The following RAPGEF2 variants were observed in gnomAD, a reference collection of about 807,000 sequenced individuals.
RAPGEF2 encodes the protein Rap guanine nucleotide exchange factor 2, also known as PDZ domain containing guanine nucleotide exchange factor (GEF) 1.
Under a neutral mutation model 186.7 loss-of-function variants are expected in RAPGEF2, and 54 were observed. The observed-to-expected ratio is 0.29, with a 90% confidence interval of 0.23 to 0.36. RAPGEF2 has a LOEUF of 0.36. Among genes scored for constraint, RAPGEF2 ranks in the 10% least tolerant of loss-of-function variants. The pLI is 1.00. For synonymous variants in RAPGEF2, 712 were observed against 705.9 expected (o/e 1.01, Z -0.14); for missense variants, 1,532 against 2,045.0 (o/e 0.75, Z 4.84).
At chr4:159,294,331 C>T (rs1290797199) in intron 7 of RAPGEF2, among the ~76,000 whole-genome samples, 1 of 152,126 alleles carries the variant, frequency 6.6e-6, no homozygotes, top group East Asian at 1.9e-4. Context: ...AGTGCAGTCC[C>T]TTTGGAGCTC....
At chr4:159,198,328 T>TTC (rs1561075287) in intron 3 of RAPGEF2, among the ~76,000 whole-genome samples, 39 of 76,696 alleles carry the variant, frequency 5.1e-4, no homozygotes, top group African/African-American at 3.2e-3. Context: ...CTTTCTTTCT[T>TTC]TCTTTCTTTT....
chr4:159,331,977 A>G lies in RAPGEF2; in HGVS notation c.1831A>G (p.Met611Val), dbSNP rs1314571628. 5.6e-6 allele frequency: 9 copies of G among 1,609,934 alleles called. No homozygotes were observed. The highest frequency in any genetic ancestry group is 3.4e-5 in the South Asian group (3 of 89,198). ...NFENIQLSKA[M>V]EILRNNTHLS... Reference sequence around the variant, plus strand: ...TGAAAACATTCAGCTGTCAAAAGCTATGGAAATTCTTAGAAATAACACACA... The same window carrying G: ...TGAAAACATTCAGCTGTCAAAAGCTGTGGAAATTCTTAGAAATAACACACA... Residue 611 changes from methionine to valine, a missense_variant, in exon 16 of 30, where the codon ATG becomes GTG. Physicochemically the swap from Met to Val is conservative, Grantham distance 21 (BLOSUM62 1). Around this residue, in one of 4 missense-constraint regions of RAPGEF2, gnomAD observed 810 missense variants for 1,210.5 expected, o/e 0.67. Coordinates refer to ENST00000691494, the MANE Select transcript of RAPGEF2 (RefSeq NM_001394067.2).
intron 1 of RAPGEF2, among the ~76,000 whole-genome samples, chr4:159,130,851 A>G (rs1459373873): frequency 2.0e-5 from 3 of 151,494 alleles, no homozygotes; most frequent in Middle Eastern, 3.2e-3. Context: ...CTGGGACCAT[A>G]GGCGGGCACC....
At chr4:159,193,000 A>G (rs1196565036) in intron 2 of RAPGEF2, among the ~76,000 whole-genome samples, 200 bp from the exon 3 acceptor site, 3 of 152,202 alleles carry the variant, frequency 2.0e-5, no homozygotes, top group Non-Finnish European at 2.9e-5. Context: ...TTTCTTTTCT[A>G]GCATACTTTT....
At position 159,316,010 on chromosome 4, in the gene RAPGEF2, G is replaced by A. The variant is rs1212463829; in HGVS notation, c.853+1242G>A. Among the ~76,000 whole-genome samples the A allele has an allele frequency of 2.0e-5, 3 of 152,208 alleles. No homozygotes were observed. In the East Asian group the frequency reaches 5.8e-4, roughly 30 times the overall value. On this transcript the variant is annotated intron_variant, in intron 9 of 29. Transcript: ENST00000691494. Reference sequence around the variant, plus strand: ...CTGGGGAAGGGAGACTCCCTTTCCCGGTCTGCTAAGTAGCCGGTGTTTTTC... The same window carrying A: ...CTGGGGAAGGGAGACTCCCTTTCCCAGTCTGCTAAGTAGCCGGTGTTTTTC...
At chr4:159,125,822 G>A (rs1286047136) in intron 1 of RAPGEF2, among the ~76,000 whole-genome samples, 2 of 151,920 alleles carry the variant, frequency 1.3e-5, no homozygotes, top group Non-Finnish European at 2.9e-5. Context: ...TTATCAATAT[G>A]TGTTAAGAAA....
chr4:159,219,456 C>T lies in RAPGEF2; in HGVS notation c.281+8873C>T, dbSNP rs899691813. 4.7e-5 allele frequency among the ~76,000 whole-genome samples: 7 copies of T among 148,476 alleles called. No individual in the cohort carries two copies. In the South Asian group the frequency reaches 1.1e-3, roughly 22 times the overall value. Reference sequence around the variant, plus strand: ...CTGCAAGCCCCGCCTCCCGGGTTCACGCCATTCTCCTGCCTCAGCCTCCCG... The same window carrying T: ...CTGCAAGCCCCGCCTCCCGGGTTCATGCCATTCTCCTGCCTCAGCCTCCCG... On this transcript the variant is annotated intron_variant, in intron 4 of 29. Coordinates refer to ENST00000691494, the MANE Select transcript of RAPGEF2 (RefSeq NM_001394067.2).
At chr4:159,265,319 C>T (rs529639710) in intron 7 of RAPGEF2, among the ~76,000 whole-genome samples, 1 of 152,208 alleles carries the variant, frequency 6.6e-6, no homozygotes, top group African/African-American at 2.4e-5. Flanking sequence ...AAAATTACAA[C>T]GGTAGTAAAT....
intron 1 of RAPGEF2, among the ~76,000 whole-genome samples, chr4:159,144,604 T>G (rs1286290828): frequency 6.6e-6 from 1 of 152,076 alleles, no homozygotes; most frequent in Non-Finnish European, 1.5e-5. Flanking sequence ...TTCGTTCTCA[T>G]CACATGTTTA....
intron 7 of RAPGEF2, chr4:159,268,287 C>A: frequency 7.8e-7 from 1 of 1,279,952 alleles, no homozygotes; most frequent in Non-Finnish European, 1.1e-6. Flanking sequence ...GGAATTGTTG[C>A]TCTTTCTCTT....
At chr4:159,202,746 C>T (rs1749579795) in intron 3 of RAPGEF2, among the ~76,000 whole-genome samples, 2 of 152,120 alleles carry the variant, frequency 1.3e-5, no homozygotes, top group Non-Finnish European at 2.9e-5. Context: ...GGACTATAGG[C>T]ACCCACCACC....
Position 159,329,997 on chromosome 4 carries a change from A to C in RAPGEF2, c.1289A>C (p.His430Pro). Residue 430 changes from histidine (H) to proline (P), a missense_variant, in exon 12 of 30, where the codon CAC becomes CCC. Around this residue, in one of 4 missense-constraint regions of RAPGEF2, gnomAD observed 810 missense variants for 1,210.5 expected, o/e 0.67. Coordinates refer to ENST00000691494, the MANE Select transcript of RAPGEF2 (RefSeq NM_001394067.2). The part of the protein sequence containing the change: ...ELDRTGTRKG[H>P]IVIKGTSERL... ...GATCGAACTGGAACAAGAAAGGGAC[A>C]CATTGTCATCAAGGTAGGACACAGG... 6.2e-7 allele frequency: 1 copy of C among 1,612,848 alleles called. No homozygotes were observed. Among genetic ancestry groups the C allele is most frequent in the Non-Finnish European group, 8.5e-7 (1 of 1,179,302 alleles).
intron 8 of RAPGEF2, among the ~76,000 whole-genome samples, chr4:159,308,966 G>T (rs1411357486): frequency 2.0e-5 from 3 of 152,124 alleles, no homozygotes; most frequent in Non-Finnish European, 4.4e-5. Context: ...GAGAAATGGA[G>T]ATTCAATTGA....
At chr4:159,255,356 G>T (rs1156764268) in intron 7 of RAPGEF2, among the ~76,000 whole-genome samples, 2 of 145,434 alleles carry the variant, frequency 1.4e-5, no homozygotes, top group African/African-American at 5.0e-5. Context: ...TGAATATATA[G>T]TTTTTTTTTT....
chr4:159,210,180 A>AT (rs960220434), intron 3 of RAPGEF2, among the ~76,000 whole-genome samples: 18 of 152,184 alleles, frequency 1.2e-4, no homozygotes, highest in African/African-American at 4.3e-4. Flanking sequence ...AGCTCTGGGT[A>AT]TTTTTTCATT....
chr4:159,236,411 C>T (rs1330000957), intron 4 of RAPGEF2, among the ~76,000 whole-genome samples: 4 of 152,200 alleles, frequency 2.6e-5, no homozygotes, highest in African/African-American at 7.2e-5. Context: ...CGCCTTAAAT[C>T]CTGGAGTGGT....
chr4:159,185,203 C>T (rs2111290173), intron 1 of RAPGEF2, among the ~76,000 whole-genome samples: 1 of 152,266 alleles, frequency 6.6e-6, no homozygotes, highest in Admixed American at 6.5e-5. Flanking sequence ...TTGGAATCCT[C>T]ATACATTACC....
At chr4:159,163,647 CTA>C (rs1264010211) in intron 1 of RAPGEF2, among the ~76,000 whole-genome samples, 1 of 151,150 alleles carries the variant, frequency 6.6e-6, no homozygotes, top group Non-Finnish European at 1.5e-5. Context: ...TGGTGTTAAT[CTA>C]TTTAAATTTT....
At chr4:159,238,908 AT>A in intron 5 of RAPGEF2, 24 bp downstream of exon 5, 7 of 1,415,960 alleles carry the variant, frequency 4.9e-6, no homozygotes, top group South Asian at 1.6e-5. Context: ...TGTGAGGACT[AT>A]TTTTCCCCTA....
Sources: allele counts gnomAD v4.1 joint callset (sites outside exome capture counted in the v4.1 genomes callset), GRCh38; gene constraint gnomAD v4.1.1; regional missense constraint gnomAD v4.1.1; transcripts MANE v1.5; gene names NCBI Gene and HGNC (gene_info 2026-07-23, HGNC 2026-07-21).